ADK: variants seen among roughly 807,000 people sequenced by gnomAD.
ADK encodes N6,N6-dimethyladenosine kinase.
In ADK, 24 loss-of-function variants were observed where a neutral mutation model predicts 44.7. That is an observed-to-expected ratio of 0.54 (90% CI 0.39 to 0.76). The LOEUF is 0.76. Among genes scored for constraint, ADK ranks in the 30% least tolerant of loss-of-function variants. The pLI, the probability that ADK is intolerant of heterozygous loss-of-function variation, is 0.00. For missense variants in ADK, 321 were observed against 425.1 expected (o/e 0.76, Z 2.15); for synonymous variants, 128 against 142.6 (o/e 0.90, Z 0.73).
chr10:74,154,982 CCCATATCATTACT>C (rs1282495599), intron 1 of ADK, among the ~76,000 whole-genome samples: 1 of 152,140 alleles, frequency 6.6e-6, no homozygotes, highest in African/African-American at 2.4e-5. Flanking sequence ...ATCCTGAAAG[CCCATATCATTACT>C]CCATCTGACA....
intron 4 of ADK, among the ~76,000 whole-genome samples, chr10:74,328,666 C>T (rs1424057341): frequency 1.3e-5 from 2 of 152,112 alleles, no homozygotes; most frequent in Non-Finnish European, 2.9e-5. Context: ...GGCAGTTCCT[C>T]CTTCACTCTC....
intron 1 of ADK, among the ~76,000 whole-genome samples, chr10:74,154,674 T>C (rs921120608): frequency 5.9e-5 from 9 of 152,352 alleles, no homozygotes; most frequent in African/African-American, 1.7e-4. Context: ...ATCCTGAATC[T>C]GTGCATTTTT....
intron 1 of ADK, among the ~76,000 whole-genome samples, chr10:74,187,353 G>A (rs772008433): frequency 1.3e-5 from 2 of 152,108 alleles, no homozygotes; most frequent in African/African-American, 4.8e-5. Context: ...ATGAACAATG[G>A]TGCTATAAAC....
At chr10:74,158,850 C>G (rs1841822144) in intron 1 of ADK, among the ~76,000 whole-genome samples, 1 of 152,148 alleles carries the variant, frequency 6.6e-6, no homozygotes, top group Non-Finnish European at 1.5e-5. Context: ...TTGGCTAGCT[C>G]TACTGTAATA....
At chr10:74,158,886 A>G (rs1159950728) in intron 1 of ADK, among the ~76,000 whole-genome samples, 2 of 152,202 alleles carry the variant, frequency 1.3e-5, no homozygotes, top group African/African-American at 2.4e-5. Context: ...TCACTGAGTT[A>G]TTAGGCTTTT....
intron 6 of ADK, among the ~76,000 whole-genome samples, chr10:74,442,381 C>T (rs377196004): frequency 1.3e-5 from 2 of 152,286 alleles, no homozygotes; most frequent in East Asian, 1.9e-4. Context: ...CATGGTGGCT[C>T]ATGCCCGTAA....
intron 9 of ADK, among the ~76,000 whole-genome samples, chr10:74,609,377 G>A (rs1852458791): frequency 6.6e-6 from 1 of 152,124 alleles, no homozygotes; most frequent in South Asian, 2.1e-4. Context: ...GTAGGTACCC[G>A]AAGAAATCTC....
At chr10:74,397,525 G>A (rs1377545446) in intron 5 of ADK, among the ~76,000 whole-genome samples, 2 of 151,412 alleles carry the variant, frequency 1.3e-5, no homozygotes. Context: ...ACTTGTAGCA[G>A]GATTTTATTT....
In ADK at chr10:74,491,428, A is replaced by G. The variant is rs1352859482; in HGVS notation, c.556-33828A>G. 2.6e-5 allele frequency among the ~76,000 whole-genome samples: 4 copies of G among 152,208 alleles called. No individual in the cohort carries two copies. The East Asian group carries it at 5.8e-4, about 22-fold the overall frequency. ...CGGCTTTAATTTTTATTTTATTATGAAAGTTTTCAAGTAGCAAAAGCGATG... is the reference window on the plus strand; with the variant it reads ...CGGCTTTAATTTTTATTTTATTATGGAAGTTTTCAAGTAGCAAAAGCGATG... On this transcript the variant is annotated intron_variant, in intron 6 of 10. Transcript: ENST00000539909.
intron 3 of ADK, among the ~76,000 whole-genome samples, chr10:74,239,923 A>C (rs971745187): frequency 6.6e-6 from 1 of 152,080 alleles, no homozygotes; most frequent in East Asian, 1.9e-4. Flanking sequence ...TTTGCTTTGT[A>C]TGTAAAAATC....
intron 1 of ADK, among the ~76,000 whole-genome samples, chr10:74,180,223 ATTATTATTATTG>A (rs1200531242): frequency 1.8e-3 from 197 of 106,720 alleles, no homozygotes; most frequent in Middle Eastern, 5.0e-3. Flanking sequence ...TATTATTATT[ATTATTATTATTG>A]TTATTATTAA....
chr10:74,177,949 T>A (rs867539836), intron 1 of ADK, among the ~76,000 whole-genome samples: 48 of 129,186 alleles, frequency 3.7e-4, no homozygotes, highest in East Asian at 1.0e-3. Context: ...ATATATATTT[T>A]TTTTTTTTTG....
intron 6 of ADK, among the ~76,000 whole-genome samples, chr10:74,446,175 C>T (rs886912329): frequency 1.3e-5 from 2 of 151,996 alleles, no homozygotes; most frequent in Non-Finnish European, 2.9e-5. Context: ...TATCTCTTTA[C>T]TTATTCTAAT....
chr10:74,161,626 C>T (rs1211150654), intron 1 of ADK, among the ~76,000 whole-genome samples: 1 of 151,572 alleles, frequency 6.6e-6, no homozygotes, highest in African/African-American at 2.4e-5. Context: ...AGTGATCTTC[C>T]CTCTCAGCCT....
intron 3 of ADK, among the ~76,000 whole-genome samples, chr10:74,229,785 C>G (rs1844684793): frequency 6.6e-6 from 1 of 152,054 alleles, no homozygotes. Context: ...GCCTATAATC[C>G]CAGCACTTTG....
At chr10:74,196,538 C>CA (rs555838097) in intron 1 of ADK, among the ~76,000 whole-genome samples, 7 of 150,980 alleles carry the variant, frequency 4.6e-5, no homozygotes, top group East Asian at 3.9e-4. Flanking sequence ...GATTCTGTCT[C>CA]AAAAAAAAGA....
intron 4 of ADK, among the ~76,000 whole-genome samples, chr10:74,391,082 A>G (rs1056446143): frequency 1.3e-5 from 2 of 152,188 alleles, no homozygotes; most frequent in African/African-American, 4.8e-5. Context: ...AGTTTCACCA[A>G]TAACATAACC....
intron 4 of ADK, among the ~76,000 whole-genome samples, chr10:74,357,912 T>C (rs1842200622): frequency 6.6e-6 from 1 of 152,176 alleles, no homozygotes; most frequent in African/African-American, 2.4e-5. Flanking sequence ...AGTTTGTGTA[T>C]ATACATACAT....
chr10:74,267,754 T>TTTTTTGTGTGTGTGTG (rs1554835954), intron 3 of ADK, among the ~76,000 whole-genome samples: 6 of 132,734 alleles, frequency 4.5e-5, no homozygotes, highest in Non-Finnish European at 8.0e-5. Context: ...ATATCCTTAT[T>TTTTTTGTGTGTGTGTG]TGTGTGTGTG....
Sources: allele counts gnomAD v4.1 joint callset (sites outside exome capture counted in the v4.1 genomes callset), GRCh38; gene constraint gnomAD v4.1.1; transcripts MANE v1.5; gene names NCBI Gene and HGNC (gene_info 2026-07-23, HGNC 2026-07-21).